The following SFMBT2 variants were observed in gnomAD, a reference collection of about 807,000 sequenced individuals.
SFMBT2 encodes Scm like with four mbt domains 2.
A neutral mutation model predicts 110.1 loss-of-function variants in SFMBT2; 38 were observed. The observed-to-expected ratio is 0.35, with a 90% CI of 0.27 to 0.45. SFMBT2 has a LOEUF of 0.45. Among genes scored for constraint, SFMBT2 ranks in the 20% least tolerant of loss-of-function variants. SFMBT2 has a pLI of 1.00. For synonymous variants in SFMBT2, 425 were observed against 425.4 expected, an observed-to-expected ratio of 1.00 and a Z score of 0.01; for missense variants, 1,011 against 1,094.9, an observed-to-expected ratio of 0.92 and a Z score of 1.08.
At chr10:7,179,535 T>C (rs2131550923) in intron 16 of SFMBT2, among the ~76,000 whole-genome samples, 1 of 152,252 alleles carries the variant, frequency 6.6e-6, no homozygotes, top group East Asian at 1.9e-4. Flanking sequence ...TGCAGTTTTA[T>C]CCACTACGAG....
intron 16 of SFMBT2, among the ~76,000 whole-genome samples, chr10:7,179,510 G>C (rs150286277): frequency 3.1e-4 from 47 of 151,854 alleles, no homozygotes; most frequent in African/African-American, 1.1e-3. Flanking sequence ...AGTGCTTCAC[G>C]GCTACATTTT....
At position 7,166,010 on chromosome 10, in the gene SFMBT2, G is replaced by C. The variant is rs547688605; in HGVS notation, c.2545-2100C>G. 2.0e-5 allele frequency among the ~76,000 whole-genome samples: 3 copies of C among 152,300 alleles called. No individual in the cohort carries two copies. In the East Asian group the frequency reaches 5.8e-4, roughly 29 times the overall value. On this transcript the variant is annotated intron_variant, in intron 20 of 20. Transcript: ENST00000397167. ...TACACCAAGAGGGCATGGGTGTAGG[G>C]ACTCAAAGTCTTCCAGGTACCATGG...
intron 11 of SFMBT2, chr10:7,215,685 AGGTGCCAGAGGGCGGCT>A: frequency 1.0e-6 from 1 of 985,450 alleles, no homozygotes; most frequent in African/African-American, 1.7e-5. Context: ...AGTCCGCTGC[AGGTGCCAGAGGGCGGCT>A]GGCCGATGAA....
intron 7 of SFMBT2, among the ~76,000 whole-genome samples, chr10:7,273,873 A>G (rs1841683434): frequency 6.6e-6 from 1 of 152,220 alleles, no homozygotes; most frequent in Non-Finnish European, 1.5e-5. Context: ...CAGTGTGGCG[A>G]GTCCTCAAGG....
At chr10:7,362,118 C>G (rs118014572) in intron 4 of SFMBT2, among the ~76,000 whole-genome samples, 2 of 152,144 alleles carry the variant, frequency 1.3e-5, no homozygotes, top group Non-Finnish European at 1.5e-5. Context: ...CTAATAAGAG[C>G]CATAATCCTC....
chr10:7,307,294 TCCAATCCAAATC>T lies in SFMBT2; in HGVS notation c.437-21352_437-21341del, dbSNP rs1254246627. ...CTTAAAACGATTTAGTCGACCCTAT[TCCAATCCAAATC>T]CCAACAGATTTCTTTTGTAGAACTA... On this transcript the variant is annotated intron_variant, in intron 4 of 20. Coordinates refer to ENST00000397167, the MANE Select transcript of SFMBT2 (RefSeq NM_001387889.1). Among the ~76,000 whole-genome samples the T allele has an allele frequency of 7.2e-5, 11 of 152,208 alleles. No homozygotes were observed. The East Asian group carries it at 2.1e-3, about 29-fold the overall frequency.
chr10:7,200,513 G>A, intron 13 of SFMBT2, 29 bp from the exon 14 acceptor site: 1 of 1,568,770 alleles, frequency 6.4e-7, no homozygotes, highest in Non-Finnish European at 8.7e-7. Context: ...AAACTATCAG[G>A]GACCACAAGC....
chr10:7,257,123 G>GAGGGGAGGGGAGGGGAAGA (rs1288833965), intron 7 of SFMBT2, among the ~76,000 whole-genome samples: 2 of 129,318 alleles, frequency 1.5e-5, no homozygotes, highest in Non-Finnish European at 3.5e-5. Flanking sequence ...GAGGGGAGGG[G>GAGGGGAGGGGAGGGGAAGA]AAAGAAAAGA....
chr10:7,193,356 G>A (rs565899553), intron 15 of SFMBT2, among the ~76,000 whole-genome samples: 1 of 152,324 alleles, frequency 6.6e-6, no homozygotes, highest in South Asian at 2.1e-4. Flanking sequence ...TACTGTCACT[G>A]ACATTTACAT....
intron 16 of SFMBT2, among the ~76,000 whole-genome samples, chr10:7,179,202 T>C (rs1004287920): frequency 6.6e-6 from 1 of 151,972 alleles, no homozygotes; most frequent in African/African-American, 2.4e-5. Context: ...ACTTTCCATG[T>C]AGTGAGAACT....
intron 4 of SFMBT2, among the ~76,000 whole-genome samples, chr10:7,330,442 A>G (rs977740443): frequency 6.6e-6 from 1 of 152,144 alleles, no homozygotes; most frequent in Non-Finnish European, 1.5e-5. Flanking sequence ...AAGCATGTGA[A>G]TTGAGTAAAC....
chr10:7,315,096 GAAA>G (rs1564435586), intron 4 of SFMBT2, among the ~76,000 whole-genome samples: 1 of 144,928 alleles, frequency 6.9e-6, no homozygotes, highest in Non-Finnish European at 1.6e-5. Context: ...AAGAAAGAAA[GAAA>G]GAAAGAAAGA....
chr10:7,360,609 T>C (rs922380391), intron 4 of SFMBT2, among the ~76,000 whole-genome samples: 5 of 152,200 alleles, frequency 3.3e-5, no homozygotes, highest in African/African-American at 4.8e-5. Flanking sequence ...CCATTACCTA[T>C]ATGAAGGGTT....
chr10:7,215,350 T>G (rs1276523349), intron 11 of SFMBT2, among the ~76,000 whole-genome samples: 1 of 152,162 alleles, frequency 6.6e-6, no homozygotes, highest in African/African-American at 2.4e-5. Context: ...CAGTGAGCCG[T>G]GATCACACCA....
intron 4 of SFMBT2, among the ~76,000 whole-genome samples, chr10:7,288,125 C>T (rs562834470): frequency 1.3e-5 from 2 of 152,272 alleles, no homozygotes; most frequent in East Asian, 3.9e-4. Flanking sequence ...AATGAGCTTT[C>T]ACAGAACAGC....
intron 4 of SFMBT2, among the ~76,000 whole-genome samples, chr10:7,290,424 G>C (rs1314660826): frequency 3.3e-5 from 5 of 152,140 alleles, no homozygotes; most frequent in Non-Finnish European, 7.3e-5. Context: ...TCACAGTGAA[G>C]GAAGGAATCA....
At chr10:7,244,412 A>C (rs1312351663) in intron 8 of SFMBT2, among the ~76,000 whole-genome samples, 1 of 152,262 alleles carries the variant, frequency 6.6e-6, no homozygotes, top group African/African-American at 2.4e-5. Flanking sequence ...ATTACACATC[A>C]GTCTTCCAAT....
intron 16 of SFMBT2, among the ~76,000 whole-genome samples, chr10:7,179,047 C>G (rs761144481): frequency 1.3e-5 from 2 of 151,014 alleles, no homozygotes; most frequent in African/African-American, 4.9e-5. Context: ...AAAGTATCAA[C>G]GGCAAAAAAA....
chr10:7,377,495 T>C (rs1273716069), intron 2 of SFMBT2, among the ~76,000 whole-genome samples: 1 of 152,250 alleles, frequency 6.6e-6, no homozygotes, highest in Non-Finnish European at 1.5e-5. Context: ...GAAATAATAC[T>C]GTAACTCACC....
Sources: allele counts gnomAD v4.1 joint callset (sites outside exome capture counted in the v4.1 genomes callset), GRCh38; gene constraint gnomAD v4.1.1; transcripts MANE v1.5; gene names NCBI Gene and HGNC (gene_info 2026-07-23, HGNC 2026-07-21).